The following CDH18 variants were observed in gnomAD, a reference collection of about 807,000 sequenced individuals.
CDH18 encodes cadherin-18.
Under a neutral mutation model 67.9 loss-of-function variants are expected in CDH18, and 31 were observed. The observed-to-expected ratio is 0.46, with a 90% CI of 0.34 to 0.62. The LOEUF (loss-of-function observed/expected upper bound fraction) is 0.62. Ranked by LOEUF, CDH18 falls within the 20% of genes least tolerant of loss-of-function variation. The probability of loss-of-function intolerance (pLI) is 0.01; values close to 1 mark genes in which losing one functional copy is unlikely to be tolerated. For synonymous variants in CDH18, 362 were observed against 347.2 expected (o/e 1.04, Z -0.48); for missense variants, 890 against 975.5 (o/e 0.91, Z 1.17).
intron 9 of CDH18, among the ~76,000 whole-genome samples, chr5:19,543,304 T>G (rs755859002): frequency 6.6e-6 from 1 of 152,108 alleles, no homozygotes; most frequent in Non-Finnish European, 1.5e-5. Context: ...TTTATCACAA[T>G]GGAATATTCT....
intron 1 of CDH18, among the ~76,000 whole-genome samples, chr5:20,268,292 G>A (rs910627802): frequency 6.6e-6 from 1 of 152,090 alleles, no homozygotes; most frequent in Non-Finnish European, 1.5e-5. Context: ...ATTCCTTTGG[G>A]TATTGGTTGA....
chr5:19,961,006 C>G (rs1241150598), intron 2 of CDH18, among the ~76,000 whole-genome samples: 1 of 151,284 alleles, frequency 6.6e-6, no homozygotes, highest in Non-Finnish European at 1.5e-5. Flanking sequence ...TTTGTTTATA[C>G]CATCATCACC....
intron 1 of CDH18, among the ~76,000 whole-genome samples, chr5:20,452,741 C>T (rs1020405455): frequency 1.3e-5 from 2 of 151,924 alleles, no homozygotes; most frequent in Non-Finnish European, 2.9e-5. Flanking sequence ...AACTTGCACA[C>T]GTACCCCTAA....
intron 1 of CDH18, among the ~76,000 whole-genome samples, chr5:20,534,031 C>A (rs895082411): frequency 6.6e-6 from 1 of 151,898 alleles, no homozygotes; most frequent in Non-Finnish European, 1.5e-5. Context: ...ATCATTTTAA[C>A]TCCTAATTAA....
intron 2 of CDH18, among the ~76,000 whole-genome samples, chr5:19,921,738 T>C (rs114910230): frequency 6.6e-6 from 1 of 152,048 alleles, no homozygotes; most frequent in African/African-American, 2.4e-5. Flanking sequence ...CAGTCATAAG[T>C]AGAAAAGTTC....
intron 10 of CDH18, among the ~76,000 whole-genome samples, chr5:19,516,859 C>T (rs866138750): frequency 1.3e-5 from 2 of 152,032 alleles, no homozygotes; most frequent in Admixed American, 6.6e-5. Flanking sequence ...GAATTCACCA[C>T]AATTTGCTTA....
intron 2 of CDH18, among the ~76,000 whole-genome samples, chr5:20,030,929 G>A (rs1739339339): frequency 1.3e-5 from 2 of 152,140 alleles, no homozygotes; most frequent in African/African-American, 4.8e-5. Flanking sequence ...TTGTGCTGCA[G>A]TGGGAATAAT....
chr5:19,564,797 G>T (rs1038097912), intron 8 of CDH18, among the ~76,000 whole-genome samples: 3 of 152,136 alleles, frequency 2.0e-5, no homozygotes, highest in African/African-American at 7.2e-5. Flanking sequence ...GAGGAGAGAA[G>T]TTCTAAACCT....
At chr5:19,551,650 C>T (rs559634433) in intron 8 of CDH18, among the ~76,000 whole-genome samples, 3 of 152,182 alleles carry the variant, frequency 2.0e-5, no homozygotes, top group South Asian at 2.1e-4. Flanking sequence ...CTCAGGAAGA[C>T]GTTTTTCTCC....
At chr5:19,885,705 GCATGCAC>G (rs1649015583) in intron 2 of CDH18, among the ~76,000 whole-genome samples, 1 of 152,072 alleles carries the variant, frequency 6.6e-6, no homozygotes, top group Non-Finnish European at 1.5e-5. Flanking sequence ...AGGACTACAG[GCATGCAC>G]CATGACACTC....
At chr5:19,664,449 A>G (rs1757627873) in intron 5 of CDH18, among the ~76,000 whole-genome samples, 2 of 152,084 alleles carry the variant, frequency 1.3e-5, no homozygotes, top group East Asian at 3.9e-4. Flanking sequence ...GAGATAAATT[A>G]TGGGTTCGCT....
intron 1 of CDH18, among the ~76,000 whole-genome samples, chr5:20,545,603 G>A (rs1424766290): frequency 6.6e-6 from 1 of 152,216 alleles, no homozygotes; most frequent in African/African-American, 2.4e-5. Flanking sequence ...AGCCACTGCT[G>A]GAGCTAGAGC....
chr5:19,626,122 G>T (rs1751497532), intron 5 of CDH18, among the ~76,000 whole-genome samples: 1 of 152,010 alleles, frequency 6.6e-6, no homozygotes, highest in South Asian at 2.1e-4. Context: ...AGTTACTGGG[G>T]GCTAGGGCTT....
chr5:20,468,363 G>T (rs570352535), intron 1 of CDH18, among the ~76,000 whole-genome samples: 19 of 152,148 alleles, frequency 1.2e-4, no homozygotes, highest in Admixed American at 8.5e-4. Flanking sequence ...TCCTCCAGTT[G>T]GCATATAAGG....
At chr5:19,530,913 C>A (rs1748503616) in intron 9 of CDH18, among the ~76,000 whole-genome samples, 3 of 152,142 alleles carry the variant, frequency 2.0e-5, no homozygotes, top group Admixed American at 1.3e-4. Context: ...TCGAGTGAGG[C>A]AATGCCTCGC....
At chr5:20,418,295 A>G (rs1280692002) in intron 1 of CDH18, among the ~76,000 whole-genome samples, 1 of 120,660 alleles carries the variant, frequency 8.3e-6, no homozygotes, top group Non-Finnish European at 1.6e-5. Flanking sequence ...GGGTTTCCTC[A>G]TGTTGGACAA....
chr5:20,239,560 G>C (rs529862293), intron 2 of CDH18, among the ~76,000 whole-genome samples: 1 of 152,118 alleles, frequency 6.6e-6, no homozygotes, highest in Non-Finnish European at 1.5e-5. Context: ...GATTATGAAA[G>C]AAGGAATTGC....
chr5:20,218,042 A>G (rs896219009), intron 2 of CDH18, among the ~76,000 whole-genome samples: 1 of 151,962 alleles, frequency 6.6e-6, no homozygotes. Flanking sequence ...TGTTAAAGAG[A>G]GAGATAAACC....
intron 5 of CDH18, among the ~76,000 whole-genome samples, chr5:19,654,624 G>A (rs565279523): frequency 6.6e-6 from 1 of 152,178 alleles, no homozygotes; most frequent in Non-Finnish European, 1.5e-5. Context: ...GCATGCTACT[G>A]TGCTCTTTTA....
Sources: gnomAD v4.1 joint callset for allele counts (sites outside exome capture counted in the v4.1 genomes callset) on GRCh38, gnomAD v4.1.1 for gene constraint, MANE v1.5 for transcripts, NCBI Gene and HGNC (gene_info 2026-07-23, HGNC 2026-07-21) for gene names.